The following CSMD1 variants were observed in gnomAD, a reference collection of about 807,000 sequenced individuals.
CSMD1 encodes the protein CUB and Sushi multiple domains 1, also known as CUB and sushi domain-containing protein 1.
Under a neutral mutation model 417.5 loss-of-function variants are expected in CSMD1, and 213 were observed. That is an observed-to-expected ratio of 0.51 (90% CI 0.46 to 0.57). CSMD1 has a LOEUF of 0.57. Among genes scored for constraint, CSMD1 ranks in the 20% least tolerant of loss-of-function variants. The pLI is 0.00. For synonymous variants in CSMD1, 2,862 were observed against 1,736.8 expected, an observed-to-expected ratio of 1.65 and a Z score of -16.11; for missense variants, 6,923 against 4,529.7, an observed-to-expected ratio of 1.53 and a Z score of -15.17.
chr8:4,049,036 C>T (rs749765913), intron 3 of CSMD1, among the ~76,000 whole-genome samples: 23 of 152,268 alleles, frequency 1.5e-4, no homozygotes, highest in South Asian at 6.2e-4. Flanking sequence ...ACTCACCACC[C>T]ATCTCAACAA....
At chr8:3,695,914 T>G (rs1385843024) in intron 7 of CSMD1, among the ~76,000 whole-genome samples, 2 of 152,208 alleles carry the variant, frequency 1.3e-5, no homozygotes, top group African/African-American at 4.8e-5. Context: ...TTCTAATTAT[T>G]TTCTATCTTT....
intron 41 of CSMD1, among the ~76,000 whole-genome samples, chr8:3,138,450 T>G (rs1407866438): frequency 1.3e-5 from 2 of 152,134 alleles, no homozygotes; most frequent in Admixed American, 1.3e-4. Context: ...ACACTTCATT[T>G]TGAAGGCACC....
intron 5 of CSMD1, among the ~76,000 whole-genome samples, chr8:3,933,411 G>C (rs1035034834): frequency 3.9e-5 from 6 of 152,262 alleles, no homozygotes; most frequent in East Asian, 3.9e-4. Flanking sequence ...ATCAGGACTT[G>C]TATGTATGAC....
chr8:4,210,061 C>G (rs1463047082), intron 3 of CSMD1, among the ~76,000 whole-genome samples: 1 of 152,312 alleles, frequency 6.6e-6, no homozygotes, highest in East Asian at 1.9e-4. Flanking sequence ...CTTCCTGAGT[C>G]AAGTCCCACC....
intron 10 of CSMD1, among the ~76,000 whole-genome samples, chr8:3,566,376 C>G (rs1434409098): frequency 1.3e-5 from 2 of 152,188 alleles, no homozygotes; most frequent in East Asian, 3.9e-4. Context: ...AGAGTTAATA[C>G]AAAAGGAAAT....
intron 10 of CSMD1, among the ~76,000 whole-genome samples, chr8:3,529,260 T>G (rs1203562377): frequency 1.3e-5 from 2 of 152,220 alleles, no homozygotes; most frequent in African/African-American, 4.8e-5. Flanking sequence ...TCAATGCAAG[T>G]TCTTTTCCAT....
At chr8:3,744,623 C>T (rs1157003010) in intron 6 of CSMD1, among the ~76,000 whole-genome samples, 1 of 152,142 alleles carries the variant, frequency 6.6e-6, no homozygotes, top group African/African-American at 2.4e-5. Flanking sequence ...GTGCAGTGTA[C>T]ATTGTAATGC....
intron 3 of CSMD1, among the ~76,000 whole-genome samples, chr8:4,044,418 A>G (rs1798043413): frequency 6.6e-6 from 1 of 152,092 alleles, no homozygotes; most frequent in Non-Finnish European, 1.5e-5. Context: ...GTGTCATTCC[A>G]AGCTCTAAAA....
At chr8:3,332,212 A>C (rs1806949811) in intron 23 of CSMD1, among the ~76,000 whole-genome samples, 2 of 152,250 alleles carry the variant, frequency 1.3e-5, no homozygotes, top group African/African-American at 4.8e-5. Flanking sequence ...TGGCATGAAA[A>C]CAATGACTTT....
chr8:3,174,158 T>C (rs375676383), intron 37 of CSMD1, among the ~76,000 whole-genome samples: 20 of 152,322 alleles, frequency 1.3e-4, no homozygotes, highest in Non-Finnish European at 2.9e-5. Context: ...ACTGCAGAAA[T>C]TAATTCAGTT....
intron 2 of CSMD1, among the ~76,000 whole-genome samples, chr8:4,478,681 G>C (rs536679864): frequency 6.6e-5 from 10 of 152,156 alleles, no homozygotes; most frequent in Non-Finnish European, 1.5e-4. Context: ...TATGGCCATG[G>C]TGCATGTTAA....
At chr8:3,448,426 A>AGGAAGGAAGAGAGGGAG (rs532643101) in intron 12 of CSMD1, among the ~76,000 whole-genome samples, 2 of 96,098 alleles carry the variant, frequency 2.1e-5, no homozygotes, top group African/African-American at 8.7e-5. Flanking sequence ...AAGGGAAGGA[A>AGGAAGGAAGAGAGGGAG]GAAGGAGCAA....
At chr8:4,894,698 C>CTGTGTGTGTG (rs1199351387) in intron 1 of CSMD1, among the ~76,000 whole-genome samples, 2,134 of 149,994 alleles carry the variant, frequency 0.014, 34 homozygotes, top group African/African-American at 0.032. Flanking sequence ...ATCTGAAAGA[C>CTGTGTGTGTG]TGTGTGTGTG....
chr8:4,387,562 C>T (rs1427640291), intron 3 of CSMD1, among the ~76,000 whole-genome samples: 1 of 8,544 alleles, frequency 1.2e-4, no homozygotes, highest in Non-Finnish European at 5.7e-4. Context: ...TGCATAAATC[C>T]AAACTGGCAA....
At chr8:3,919,184 C>CAA (rs71203490) in intron 5 of CSMD1, among the ~76,000 whole-genome samples, 23 of 91,814 alleles carry the variant, frequency 2.5e-4, no homozygotes, top group African/African-American at 7.1e-4. Context: ...GTGTCATATC[C>CAA]AAAAAAAAAA....
intron 1 of CSMD1, among the ~76,000 whole-genome samples, chr8:4,960,079 T>C (rs763708696): frequency 6.6e-6 from 1 of 152,148 alleles, no homozygotes; most frequent in Non-Finnish European, 1.5e-5. Flanking sequence ...ATTGGGACTC[T>C]AAAAAAATTG....
intron 1 of CSMD1, among the ~76,000 whole-genome samples, chr8:4,681,546 G>A (rs1444113672): frequency 1.3e-5 from 2 of 152,174 alleles, no homozygotes; most frequent in East Asian, 1.9e-4. Flanking sequence ...TTACGCCAAT[G>A]TTAGTTGTGC....
At chr8:4,044,637 G>T (rs983615938) in intron 3 of CSMD1, among the ~76,000 whole-genome samples, 2 of 120,694 alleles carry the variant, frequency 1.7e-5, no homozygotes, top group Non-Finnish European at 1.9e-5. Context: ...GAGACATAGC[G>T]CACCCTGTAC....
At chr8:4,382,017 A>G (rs1803137485) in intron 3 of CSMD1, among the ~76,000 whole-genome samples, 1 of 152,152 alleles carries the variant, frequency 6.6e-6, no homozygotes, top group African/African-American at 2.4e-5. Context: ...AGGAAATGGT[A>G]TAGCTGGGGT....
Sources: allele counts gnomAD v4.1 joint callset (sites outside exome capture counted in the v4.1 genomes callset), GRCh38; gene constraint gnomAD v4.1.1; transcripts MANE v1.5; gene names NCBI Gene and HGNC (gene_info 2026-07-23, HGNC 2026-07-21).